Variants in ZDHHC14 observed in about 807,000 individuals in gnomAD.
ZDHHC14 encodes zDHHC palmitoyltransferase 14, also known as palmitoyltransferase ZDHHC14.
Under a neutral mutation model 47.7 loss-of-function variants are expected in ZDHHC14, and 16 were observed. The observed-to-expected ratio is 0.34, with a 90% confidence interval of 0.23 to 0.51. The LOEUF (loss-of-function observed/expected upper bound fraction) is 0.51. Ranked by LOEUF, ZDHHC14 falls within the 20% of genes least tolerant of loss-of-function variation. The pLI is 0.97. For missense variants in ZDHHC14, 515 were observed against 662.5 expected, an observed-to-expected ratio of 0.78 and a Z score of 2.44; for synonymous variants, 293 against 278.9, an observed-to-expected ratio of 1.05 and a Z score of -0.50.
intron 8 of ZDHHC14, among the ~76,000 whole-genome samples, chr6:157,661,542 T>A (rs1778342784): frequency 6.6e-6 from 1 of 152,270 alleles, no homozygotes; most frequent in African/African-American, 2.4e-5. Context: ...TCCTGAAAGA[T>A]GATGGAAGGA....
chr6:157,622,010 T>C (rs1214814217), intron 3 of ZDHHC14, among the ~76,000 whole-genome samples: 1 of 152,130 alleles, frequency 6.6e-6, no homozygotes, highest in Non-Finnish European at 1.5e-5. Flanking sequence ...CCAGGGCTGC[T>C]GTCAAGTTAA....
intron 2 of ZDHHC14, among the ~76,000 whole-genome samples, chr6:157,556,236 G>C (rs1294879298): frequency 7.2e-6 from 1 of 138,634 alleles, no homozygotes. Context: ...AGCAGAGCCA[G>C]CAGAGAGGAC....
intron 5 of ZDHHC14, 77 bp from the exon 6 acceptor site, chr6:157,645,660 G>A (rs1173589697): frequency 1.0e-5 from 12 of 1,180,842 alleles, no homozygotes; most frequent in Non-Finnish European, 1.2e-5. Flanking sequence ...GCCCGGGGGT[G>A]TTTCGGTTCC....
At chr6:157,391,718 G>C (rs1777422518) in intron 1 of ZDHHC14, among the ~76,000 whole-genome samples, 1 of 152,132 alleles carries the variant, frequency 6.6e-6, no homozygotes, top group Admixed American at 6.5e-5. Flanking sequence ...TTTTTCTCTT[G>C]GGAAGGACTT....
chr6:157,654,023 T>C (rs1282684327), intron 8 of ZDHHC14, among the ~76,000 whole-genome samples: 1 of 152,156 alleles, frequency 6.6e-6, no homozygotes, highest in African/African-American at 2.4e-5. Flanking sequence ...CCTCTTCCAC[T>C]TCCTCAAGCG....
At chr6:157,471,133 G>C (rs1779344669) in intron 1 of ZDHHC14, among the ~76,000 whole-genome samples, 2 of 152,338 alleles carry the variant, frequency 1.3e-5, no homozygotes, top group South Asian at 4.1e-4. Flanking sequence ...ATGGTCTTCA[G>C]ATTCTCCCAG....
chr6:157,647,405 T>C, intron 7 of ZDHHC14, 37 bp downstream of exon 7: 2 of 1,547,318 alleles, frequency 1.3e-6, no homozygotes, highest in Non-Finnish European at 1.8e-6. Flanking sequence ...TCAACAGACC[T>C]TGGAAAACCG....
chr6:157,460,917 A>G (rs1004514321), intron 1 of ZDHHC14, among the ~76,000 whole-genome samples: 6 of 152,238 alleles, frequency 3.9e-5, no homozygotes, highest in African/African-American at 1.2e-4. Flanking sequence ...GGTTGGCAAC[A>G]GGAGACACCC....
At chr6:157,392,960 A>G (rs1470694648) in intron 1 of ZDHHC14, among the ~76,000 whole-genome samples, 2 of 151,570 alleles carry the variant, frequency 1.3e-5, no homozygotes, top group African/African-American at 4.8e-5. Context: ...GCTCACCACA[A>G]CCTCTGCCTC....
intron 1 of ZDHHC14, among the ~76,000 whole-genome samples, chr6:157,504,327 A>ATTT (rs35053189): frequency 6.6e-5 from 9 of 137,296 alleles, no homozygotes; most frequent in Non-Finnish European, 1.3e-4. Context: ...AATTTTTTGT[A>ATTT]TTTTTTTTTT....
chr6:157,645,329 A>G (rs1777468913), intron 5 of ZDHHC14, among the ~76,000 whole-genome samples: 2 of 152,168 alleles, frequency 1.3e-5, no homozygotes, highest in African/African-American at 2.4e-5. Context: ...GTGCGAGTCA[A>G]TATGTCGTCC....
At chr6:157,444,072 T>C (rs761780575) in intron 1 of ZDHHC14, among the ~76,000 whole-genome samples, 1 of 152,212 alleles carries the variant, frequency 6.6e-6, no homozygotes, top group Non-Finnish European at 1.5e-5. Context: ...CTCACAATGA[T>C]CTCATGAGCA....
chr6:157,479,512 G>A (rs1242569551), intron 1 of ZDHHC14, among the ~76,000 whole-genome samples: 1 of 152,136 alleles, frequency 6.6e-6, no homozygotes, highest in Non-Finnish European at 1.5e-5. Flanking sequence ...CATTTGCCTT[G>A]TGCCCCTGCC....
At chr6:157,662,601 G>A (rs652685) in intron 8 of ZDHHC14, among the ~76,000 whole-genome samples, 111,735 of 152,222 alleles carry the variant, frequency 0.73, 41,343 homozygotes, top group African/African-American at 0.83. Context: ...CATTCCTTCC[G>A]TCCTCCAATT....
At chr6:157,524,100 A>G (rs1306887128) in intron 1 of ZDHHC14, among the ~76,000 whole-genome samples, 4 of 152,158 alleles carry the variant, frequency 2.6e-5, no homozygotes, top group Non-Finnish European at 5.9e-5. Context: ...CTTTATTGCA[A>G]ATAAACAGAC....
At chr6:157,623,925 C>T (rs1006011224) in intron 3 of ZDHHC14, among the ~76,000 whole-genome samples, 22 of 152,312 alleles carry the variant, frequency 1.4e-4, no homozygotes, top group Admixed American at 6.5e-4. Flanking sequence ...AGGACCCAAA[C>T]TTTAGAATCA....
intron 1 of ZDHHC14, among the ~76,000 whole-genome samples, chr6:157,382,589 G>C (rs555457203): frequency 1.3e-5 from 2 of 152,180 alleles, no homozygotes; most frequent in South Asian, 4.1e-4. Context: ...TCTCTACCGA[G>C]TTTGGGGACC....
intron 1 of ZDHHC14, among the ~76,000 whole-genome samples, chr6:157,405,349 C>T (rs1777731482): frequency 6.6e-6 from 1 of 152,194 alleles, no homozygotes; most frequent in African/African-American, 2.4e-5. Flanking sequence ...TCTCCTGCCT[C>T]AGCCTCCCAA....
Position 157,382,128 on chromosome 6 carries a change from C to T in ZDHHC14, c.107C>T (p.Ala36Val). The change falls in exon 1 of 9, where the codon GCC (alanine) becomes GTC (valine). Residue 36 changes from alanine (A) to valine (V), a missense_variant. This residue lies in a region of ZDHHC14 where 59 missense variants were observed against 57.7 expected (regional missense o/e 1.02). Transcript: ENST00000359775. ...CCCCACAAGAAGAAGAAAATCGCGG[C>T]CCGGAGGAAATGGGAGGTGTTCCCG... ...ESPHKKKKIA[A>V]RRKWEVFPGR... 3 of 1,613,598 alleles carry T rather than the reference C, an allele frequency of 1.9e-6. No homozygotes were observed. Among genetic ancestry groups the T allele is most frequent in the Non-Finnish European group, 2.5e-6 (3 of 1,179,800 alleles).
Sources: gnomAD v4.1 joint callset for allele counts (sites outside exome capture counted in the v4.1 genomes callset) on GRCh38, gnomAD v4.1.1 for gene constraint, gnomAD v4.1.1 regional missense constraint, MANE v1.5 for transcripts, NCBI Gene and HGNC (gene_info 2026-07-23, HGNC 2026-07-21) for gene names.